The following NOL4 variants were observed in gnomAD, a reference collection of about 807,000 sequenced individuals.
NOL4 encodes the protein nucleolar protein 4, also known as cancer/testis antigen 125.
In NOL4, 17 loss-of-function variants were observed where a neutral mutation model predicts 75.9. The ratio of observed to expected loss-of-function variants is 0.22; its 90% CI spans 0.15 to 0.34. The LOEUF (loss-of-function observed/expected upper bound fraction) is 0.34. NOL4 is among the 10% of genes least tolerant of loss of function. NOL4 has a pLI of 1.00. For missense variants in NOL4, 614 were observed against 793.5 expected (o/e 0.77, Z 2.72); for synonymous variants, 292 against 289.9 (o/e 1.01, Z -0.07).
intron 8 of NOL4, among the ~76,000 whole-genome samples, chr18:33,956,309 T>G (rs2069643585): frequency 6.6e-6 from 1 of 152,160 alleles, no homozygotes; most frequent in South Asian, 2.1e-4. Context: ...AAGACAGTAT[T>G]GATCAAACAT....
chr18:34,110,060 T>C (rs997905414), intron 2 of NOL4, among the ~76,000 whole-genome samples: 1 of 134,728 alleles, frequency 7.4e-6, no homozygotes, highest in Admixed American at 8.8e-5. Context: ...CACTGGTAAA[T>C]TCTACCAAAC....
intron 9 of NOL4, among the ~76,000 whole-genome samples, chr18:33,901,259 T>C (rs1383349539): frequency 1.3e-5 from 2 of 152,112 alleles, no homozygotes; most frequent in South Asian, 2.1e-4. Context: ...ATAAGACGAA[T>C]ACAAGATCGT....
intron 10 of NOL4, among the ~76,000 whole-genome samples, chr18:33,870,368 T>C (rs1233139488): frequency 2.0e-5 from 3 of 151,936 alleles, no homozygotes; most frequent in Non-Finnish European, 4.4e-5. Context: ...ATTGTGGAGA[T>C]GTTGGCAAAA....
At chr18:33,914,610 T>C (rs2066604348) in intron 9 of NOL4, among the ~76,000 whole-genome samples, 1 of 152,022 alleles carries the variant, frequency 6.6e-6, no homozygotes, top group South Asian at 2.1e-4. Context: ...TGAGTCATGA[T>C]GGTGAGTTGG....
intron 6 of NOL4, among the ~76,000 whole-genome samples, chr18:33,993,495 G>A (rs2073066102): frequency 6.6e-6 from 1 of 151,886 alleles, no homozygotes; most frequent in African/African-American, 2.4e-5. Context: ...TTGGGGGTTA[G>A]GAGGTGGGAA....
chr18:34,026,113 C>A (rs757535543), intron 5 of NOL4, among the ~76,000 whole-genome samples: 3 of 152,192 alleles, frequency 2.0e-5, no homozygotes, highest in South Asian at 2.1e-4. Context: ...TTATCTAACA[C>A]AATGGTCATT....
intron 6 of NOL4, among the ~76,000 whole-genome samples, chr18:33,985,085 G>C (rs1406033913): frequency 6.6e-6 from 1 of 151,990 alleles, no homozygotes; most frequent in African/African-American, 2.4e-5. Flanking sequence ...AAATGAGATA[G>C]TGTTTCAGAA....
rs141722196 is a variant in NOL4 at position 34,035,744 on chromosome 18, G to C, written c.773-16143C>G. Among the ~76,000 whole-genome samples the C allele has an allele frequency of 6.5e-4, 99 of 151,684 alleles. 1 individual carries two copies. In the East Asian group the frequency reaches 0.01, roughly 15 times the overall value. On this transcript the variant is annotated intron_variant, in intron 5 of 10. Coordinates refer to ENST00000261592, the MANE Select transcript of NOL4 (RefSeq NM_003787.5). ...TAATAATTATTAGACTAACCAAGAA[G>C]AGAAGATAGAAGACTCAAATTAAAA...
At chr18:33,957,791 CAG>C (rs973516335) in intron 7 of NOL4, among the ~76,000 whole-genome samples, 8 of 152,108 alleles carry the variant, frequency 5.3e-5, no homozygotes, top group Non-Finnish European at 1.2e-4. Flanking sequence ...CAGGAAATAA[CAG>C]AGACTGTGAC....
chr18:33,954,321 A>C (rs144126015), intron 8 of NOL4, among the ~76,000 whole-genome samples: 67 of 152,232 alleles, frequency 4.4e-4, no homozygotes, highest in African/African-American at 1.5e-3. Flanking sequence ...AGTTGATTGA[A>C]TCCATAGATG....
At chr18:34,173,530 A>T (rs2033251831) in intron 1 of NOL4, among the ~76,000 whole-genome samples, 1 of 152,164 alleles carries the variant, frequency 6.6e-6, no homozygotes, top group African/African-American at 2.4e-5. Context: ...TAAAATGTTT[A>T]TTTGTTAATT....
intron 5 of NOL4, among the ~76,000 whole-genome samples, chr18:34,087,680 G>A (rs1729101161): frequency 6.6e-6 from 1 of 151,740 alleles, no homozygotes; most frequent in African/African-American, 2.4e-5. Context: ...ATTTACCCTT[G>A]TCCTAAGTAT....
At chr18:34,208,297 C>G (rs887837321) in intron 1 of NOL4, among the ~76,000 whole-genome samples, 2 of 152,022 alleles carry the variant, frequency 1.3e-5, no homozygotes, top group Non-Finnish European at 2.9e-5. Context: ...GTGAGCTTAA[C>G]CAGCACTGGA....
intron 5 of NOL4, among the ~76,000 whole-genome samples, chr18:34,036,989 C>T (rs1295370166): frequency 6.6e-6 from 1 of 152,054 alleles, no homozygotes; most frequent in African/African-American, 2.4e-5. Flanking sequence ...GTAAAATTGT[C>T]CCTCTTTGCA....
At chr18:34,075,472 G>A (rs981907419) in intron 5 of NOL4, among the ~76,000 whole-genome samples, 3 of 152,228 alleles carry the variant, frequency 2.0e-5, no homozygotes, top group Admixed American at 2.0e-4. Context: ...CATTTTGACT[G>A]TGATTTGTCA....
chr18:33,973,612 A>G (rs548885552), intron 6 of NOL4, among the ~76,000 whole-genome samples: 34 of 152,338 alleles, frequency 2.2e-4, no homozygotes, highest in African/African-American at 7.2e-4. Context: ...GAAAGTCAAA[A>G]TTACTCCTTG....
chr18:34,159,214 G>GCGCGCTAAGCGCTCCGGGCGC (rs2031007805), intron 1 of NOL4, among the ~76,000 whole-genome samples: 1 of 152,186 alleles, frequency 6.6e-6, no homozygotes, highest in Non-Finnish European at 1.5e-5. Flanking sequence ...CGACCTGCAG[G>GCGCGCTAAGCGCTCCGGGCGC]CGCGCTAAGC....
At position 33,908,373 on chromosome 18, in the gene NOL4, A is replaced by G. The variant is rs560217611; in HGVS notation, c.1543-24949T>C. ...GGATATAATCATAGATGGTTTTGAA[A>G]TTAGAAACGGGTGTGCCAACATGGT... is the stretch of plus-strand genomic sequence containing the variant. On this transcript the variant is annotated intron_variant, in intron 9 of 10. Transcript: ENST00000261592. Among the ~76,000 whole-genome samples, 5 of 152,306 alleles carry G rather than the reference A, an allele frequency of 3.3e-5. No individual in the cohort carries two copies. The East Asian group carries it at 9.6e-4, about 29-fold the overall frequency.
chr18:33,857,721 T>G lies in NOL4; in HGVS notation c.1724-4686A>C, dbSNP rs1172977029. Among the ~76,000 whole-genome samples, 3 of 152,040 alleles carry G rather than the reference T, an allele frequency of 2.0e-5. No individual in the cohort carries two copies. In the East Asian group the frequency reaches 5.8e-4, roughly 29 times the overall value. ...AACATGGTTAATTGATGAGAACAAA[T>G]GAAGTTTAAAGGTGATAGCACTGTT... is the stretch of plus-strand genomic sequence containing the variant. On this transcript the variant is annotated intron_variant, in intron 10 of 10. Transcript: ENST00000261592.
Sources: gnomAD v4.1 joint callset for allele counts (sites outside exome capture counted in the v4.1 genomes callset) on GRCh38, gnomAD v4.1.1 for gene constraint, MANE v1.5 for transcripts, NCBI Gene and HGNC (gene_info 2026-07-23, HGNC 2026-07-21) for gene names.